Variants in TMEM225 observed in about 807,000 individuals in gnomAD.
TMEM225 encodes the protein PMP22 claudin domain-containing protein.
In TMEM225, 10 loss-of-function variants were observed where a neutral mutation model predicts 17.6. The observed-to-expected ratio is 0.57, with a 90% CI of 0.35 to 0.96. TMEM225 has a LOEUF of 0.96. Among genes scored for constraint, TMEM225 ranks in the 40% least tolerant of loss-of-function variants. The pLI, the probability that TMEM225 is intolerant of heterozygous loss-of-function variation, is 0.02. For missense variants in TMEM225, 245 were observed against 271.5 expected, an observed-to-expected ratio of 0.90 and a Z score of 0.69; for synonymous variants, 101 against 94.5, an observed-to-expected ratio of 1.07 and a Z score of -0.40.
In TMEM225 at chr11:123,883,208, A is replaced by G. The variant is rs1176422868; in HGVS notation, c.608T>C (p.Ile203Thr). 2 of 1,613,422 alleles carry G rather than the reference A, an allele frequency of 1.2e-6. No homozygotes were observed. Among genetic ancestry groups the G allele is most frequent in the Non-Finnish European group, 1.7e-6 (2 of 1,179,618 alleles). ...LPECTAMPRS[I>T]VRAHTVNSLN... Reference sequence around the variant, plus strand: ...GGAATTCACAGTGTGTGCACGGACAATGCTACGAGGCATTGCAGTGCATTC... The same window carrying G: ...GGAATTCACAGTGTGTGCACGGACAGTGCTACGAGGCATTGCAGTGCATTC... The change falls in exon 4 of 4, where the codon ATT becomes ACT. Residue 203 changes from isoleucine (I) to threonine (T), a missense_variant. Physicochemically the swap from Ile to Thr is moderately conservative, Grantham distance 89. Transcript: ENST00000375026.
chr11:123,885,080 C>A (rs1260281567), intron 1 of TMEM225, among the ~76,000 whole-genome samples, 165 bp downstream of exon 1: 4 of 152,172 alleles, frequency 2.6e-5, no homozygotes, highest in Non-Finnish European at 5.9e-5. Flanking sequence ...ATTTTGGAAT[C>A]TGCCTTGACT....
chr11:123,885,118 A>G, intron 1 of TMEM225, 127 bp downstream of exon 1: 2 of 839,204 alleles, frequency 2.4e-6, no homozygotes, highest in South Asian at 3.6e-5. Context: ...AAGGAAGAAC[A>G]CTGCAACTTG....
chr11:123,883,339 G>T lies in TMEM225; in HGVS notation c.477C>A (p.Leu159=). The T allele has an allele frequency of 1.2e-6, 2 of 1,611,548 alleles. No individual in the cohort carries two copies. Among genetic ancestry groups the T allele is most frequent in the East Asian group, 4.5e-5 (2 of 44,742 alleles). ...FFLSVCGVLS[L]LECKLSTSSC... ...TACTGGTAGACAACTTGCACTCTAG[G>T]AGAGAGAGGACTCCTAGGGAAAAGA... The change falls in exon 4 of 4, where the codon CTC becomes CTA. Residue 159 remains leucine, a synonymous_variant. Transcript: ENST00000375026.
At chr11:123,884,356 G>T in intron 2 of TMEM225, 134 bp downstream of exon 2, 1 of 1,295,804 alleles carries the variant, frequency 7.7e-7, no homozygotes, top group Non-Finnish European at 1.0e-6. Context: ...CCCAAAGACT[G>T]ATCCTGATCC....
chr11:123,885,558 G>A lies in TMEM225; in HGVS notation c.-133C>T. On this transcript the variant is annotated 5_prime_UTR_variant, in exon 1 of 4. Coordinates refer to ENST00000375026, the MANE Select transcript of TMEM225 (RefSeq NM_001013743.3). The stretch of plus-strand genomic sequence containing the variant: ...GGCATTGGTAACAGCAGAAGCTGAA[G>A]TAGTCTATAAAACAGAGAAGATAGA... The A allele has an allele frequency of 2.6e-6, 2 of 774,292 alleles. No individual in the cohort carries two copies. The highest frequency in any genetic ancestry group is 2.8e-5 in the Admixed American group (1 of 36,192). The allele number at this position is 774,292 out of a possible 1,614,324, so 48.0% of individuals were successfully genotyped here.
In TMEM225 at chr11:123,885,301, C is replaced by G. The variant is rs1863026691; in HGVS notation, c.125G>C (p.Arg42Thr). 6.2e-7 allele frequency: 1 copy of G among 1,613,694 alleles called. No individual in the cohort carries two copies. Among genetic ancestry groups the G allele is most frequent in the African/African-American group, 1.3e-5 (1 of 75,016 alleles). Residue 42 changes from arginine (R) to threonine (T), a missense_variant, in exon 1 of 4, where the codon AGA (arginine) becomes ACA (threonine). Arg to Thr is a moderately conservative substitution (Grantham distance 71, BLOSUM62 -1). Coordinates refer to ENST00000375026, the MANE Select transcript of TMEM225 (RefSeq NM_001013743.3). ...KWVELISEDE[R>T]AKMNHSPWMM... is the part of the protein sequence containing the mutation. ...CCAAGGACTGTGGTTCATCTTGGCTCTTTCATCTTCTGAAATCAATTCAAC... is the reference window on the plus strand; with the variant it reads ...CCAAGGACTGTGGTTCATCTTGGCTGTTTCATCTTCTGAAATCAATTCAAC...
Position 123,885,642 on chromosome 11 carries a change from C to T in TMEM225, c.-217G>A, listed in dbSNP as rs572012138. ...CAGGGCCAGCCTGCTGTCAGGACTG[C>T]CAACTGCCATGGAATCATCTATTGG... On this transcript the variant is annotated 5_prime_UTR_variant, in exon 1 of 4. Transcript: ENST00000375026. 46 of 553,424 alleles carry T rather than the reference C, an allele frequency of 8.3e-5. 1 individual carries two copies. In the South Asian group the frequency reaches 1.1e-3, roughly 13 times the overall value. 34.3% of individuals were successfully genotyped at this position (553,424 alleles called of 1,614,324 possible).
chr11:123,885,101 T>C (rs1863022492), intron 1 of TMEM225, 144 bp downstream of exon 1: 1 of 758,080 alleles, frequency 1.3e-6, no homozygotes, highest in African/African-American at 1.8e-5. Context: ...GTATTGACTA[T>C]GGAAGGAAGG....
Position 123,884,688 on chromosome 11 carries a change from A to G in TMEM225, c.182-52T>C, listed in dbSNP as rs1863016561. 1.9e-6 allele frequency: 3 copies of G among 1,542,766 alleles called. No individual in the cohort carries two copies. In the South Asian group the frequency reaches 3.8e-5, roughly 19 times the overall value. ...GAGGACAGATATTTCTTCTAGACTCATTTCTACCTGGGGTCCAGAAGTCTC... is the reference window on the plus strand; with the variant it reads ...GAGGACAGATATTTCTTCTAGACTCGTTTCTACCTGGGGTCCAGAAGTCTC... On this transcript the variant is annotated intron_variant, in intron 1 of 3. Coordinates refer to ENST00000375026, the MANE Select transcript of TMEM225 (RefSeq NM_001013743.3).
At position 123,885,316 on chromosome 11, in the gene TMEM225, A is replaced by G. The variant is rs1158450179; in HGVS notation, c.110T>C (p.Ile37Thr). ...GITLDKWVEL[I>T]SEDERAKMNH... ...CATCTTGGCTCTTTCATCTTCTGAAATCAATTCAACCCATTTATCTAAGGT... is the reference window on the plus strand; with the variant it reads ...CATCTTGGCTCTTTCATCTTCTGAAGTCAATTCAACCCATTTATCTAAGGT... Residue 37 changes from isoleucine (I) to threonine (T), a missense_variant, in exon 1 of 4, where the codon ATT (isoleucine) becomes ACT (threonine). Ile to Thr is a moderately conservative substitution (Grantham distance 89, BLOSUM62 -1). Coordinates refer to ENST00000375026, the MANE Select transcript of TMEM225 (RefSeq NM_001013743.3). 3.1e-6 allele frequency: 5 copies of G among 1,613,554 alleles called. No homozygotes were observed. Among genetic ancestry groups the G allele is most frequent in the Non-Finnish European group, 3.4e-6 (4 of 1,179,726 alleles).
chr11:123,885,462 A>G lies in TMEM225; in HGVS notation c.-37T>C, dbSNP rs375762084. On this transcript the variant is annotated 5_prime_UTR_variant, in exon 1 of 4. Coordinates refer to ENST00000375026, the MANE Select transcript of TMEM225 (RefSeq NM_001013743.3). ...ATTTCTAGCTGGAACCACCACCACT[A>G]TTTTGTAGATCTCTTCCTTGATTTG... 144 of 1,575,912 alleles carry G rather than the reference A, an allele frequency of 9.1e-5. No homozygotes were observed. Among genetic ancestry groups the G allele is most frequent in the Middle Eastern group, 3.4e-4 (2 of 5,910 alleles).
Position 123,884,581 on chromosome 11 carries a change from G to A in TMEM225, c.237C>T (p.Leu79=), listed in dbSNP as rs115037025. The A allele has an allele frequency of 1.3e-4, 211 of 1,613,410 alleles. 1 individual carries two copies. The East Asian group carries it at 4.6e-3, about 35-fold the overall frequency. ...MMTSSLGLSF[L]LNLILGMKFT... is the part of the protein sequence containing the mutation. ...ATTTCATACCCAGGATTAAGTTAAG[G>A]AGGAAGGAAAGGCCAAGGCTCGACG... The change falls in exon 2 of 4, where the codon CTC becomes CTT. Residue 79 remains leucine (L), a synonymous_variant. Transcript: ENST00000375026.
At position 123,885,640 on chromosome 11, in the gene TMEM225, T is replaced by A; in HGVS notation, c.-215A>T. On this transcript the variant is annotated 5_prime_UTR_variant, in exon 1 of 4. Coordinates refer to ENST00000375026, the MANE Select transcript of TMEM225 (RefSeq NM_001013743.3). ...ATCAGGGCCAGCCTGCTGTCAGGAC[T>A]GCCAACTGCCATGGAATCATCTATT... 1 of 556,498 alleles carries A rather than the reference T, an allele frequency of 1.8e-6. No individual in the cohort carries two copies. Among genetic ancestry groups the A allele is most frequent in the East Asian group, 3.0e-5 (1 of 33,366 alleles). The allele number at this position is 556,498 out of a possible 1,614,324, so 34.5% of individuals were successfully genotyped here.
In TMEM225 at chr11:123,884,739, A is replaced by G. The variant is rs550300173; in HGVS notation, c.182-103T>C. ...TAGGTGAAAATTGGAATAGGGTGAA[A>G]GATTTGATTAAACAATAAGAAAGAA... On this transcript the variant is annotated intron_variant, in intron 1 of 3. Transcript: ENST00000375026. 7 of 1,107,102 alleles carry G rather than the reference A, an allele frequency of 6.3e-6. No individual in the cohort carries two copies. The African/African-American group carries it at 7.9e-5, about 13-fold the overall frequency. The allele number at this position is 1,107,102 out of a possible 1,614,324, so 68.6% of individuals were successfully genotyped here.
At chr11:123,885,166 A>G in intron 1 of TMEM225, 79 bp downstream of exon 1, 1 of 1,318,080 alleles carries the variant, frequency 7.6e-7, no homozygotes, top group Non-Finnish European at 1.1e-6. Flanking sequence ...CACTGGTGAG[A>G]TTAATGCAAG....
rs1014846916 is a variant in TMEM225 at position 123,883,419 on chromosome 11, A to T, written c.464-67T>A. On this transcript the variant is annotated intron_variant, in intron 3 of 3. Coordinates refer to ENST00000375026, the MANE Select transcript of TMEM225 (RefSeq NM_001013743.3). ...GGAGAGTCAGAAACAATTCTCTCCAATTTGGCTGAAGACCCTGACCCAAAG... is the reference window on the plus strand; with the variant it reads ...GGAGAGTCAGAAACAATTCTCTCCATTTTGGCTGAAGACCCTGACCCAAAG... The T allele has an allele frequency of 3.9e-6, 5 of 1,277,634 alleles. No homozygotes were observed. In the African/African-American group the frequency reaches 5.9e-5, roughly 15 times the overall value. 79.1% of individuals were successfully genotyped at this position (1,277,634 alleles called of 1,614,324 possible).
chr11:123,883,816 A>T (rs977532689), intron 3 of TMEM225, among the ~76,000 whole-genome samples: 1 of 152,028 alleles, frequency 6.6e-6, no homozygotes, highest in African/African-American at 2.4e-5. Flanking sequence ...CTCTGCCCCA[A>T]AGCGGGGAGG....
intron 2 of TMEM225, 31 bp from the exon 3 acceptor site, chr11:123,884,240 A>G: frequency 6.5e-7 from 1 of 1,545,548 alleles, no homozygotes; most frequent in Non-Finnish European, 8.6e-7. Context: ...AAAAAAAAAA[A>G]AGAAAAAGAA....
chr11:123,884,395 C>CTA, intron 2 of TMEM225, 95 bp downstream of exon 2: 1 of 1,298,818 alleles, frequency 7.7e-7, no homozygotes, highest in Non-Finnish European at 1.0e-6. Context: ...AACTCAGAAG[C>CTA]TACATATATA....
Sources: allele counts gnomAD v4.1 joint callset (sites outside exome capture counted in the v4.1 genomes callset), GRCh38; gene constraint gnomAD v4.1.1; transcripts MANE v1.5; gene names NCBI Gene and HGNC (gene_info 2026-07-23, HGNC 2026-07-21).